SRGAP3: variants seen among roughly 807,000 people sequenced by gnomAD.
SRGAP3 encodes the protein SLIT-ROBO Rho GTPase-activating protein 3.
Under a neutral mutation model 121.1 loss-of-function variants are expected in SRGAP3, and 39 were observed. The ratio of observed to expected loss-of-function variants is 0.32; its 90% confidence interval spans 0.25 to 0.42. The LOEUF is 0.42. SRGAP3 is among the 10% of genes least tolerant of loss of function. The probability of loss-of-function intolerance (pLI) is 1.00; values close to 1 mark genes in which losing one functional copy is unlikely to be tolerated. For synonymous variants in SRGAP3, 601 were observed against 570.0 expected (o/e 1.05, Z -0.77); for missense variants, 1,213 against 1,470.6 (o/e 0.82, Z 2.86).
intron 1 of SRGAP3, among the ~76,000 whole-genome samples, chr3:9,160,943 C>G (rs976157411): frequency 1.3e-5 from 2 of 151,940 alleles, no homozygotes; most frequent in South Asian, 4.2e-4. Flanking sequence ...TGAGTCCATG[C>G]TGATATAAAT....
At chr3:9,346,331 A>G (rs1575023467) in intron 1 of SRGAP3, among the ~76,000 whole-genome samples, 1 of 151,824 alleles carries the variant, frequency 6.6e-6, no homozygotes, top group Non-Finnish European at 1.5e-5. Context: ...TGCACCTTGA[A>G]CTCCTGGGCT....
intron 1 of SRGAP3, among the ~76,000 whole-genome samples, chr3:9,144,517 T>G (rs1385707813): frequency 3.9e-5 from 6 of 152,220 alleles, no homozygotes; most frequent in African/African-American, 9.6e-5. Context: ...TCCCACATGT[T>G]GTGGGAGGGA....
chr3:9,038,183 T>G lies in SRGAP3; in HGVS notation c.1409-93A>C, dbSNP rs1559975966. 2.7e-6 allele frequency: 4 copies of G among 1,502,594 alleles called. No homozygotes were observed. In the East Asian group the frequency reaches 9.2e-5, roughly 35 times the overall value. The allele number at this position is 1,502,594 out of a possible 1,614,324, so 93.1% of individuals were successfully genotyped here. The stretch of plus-strand genomic sequence containing the variant: ...TTCTAAAAACAAAATACAATGAGTC[T>G]TAATTATTTATGAAATATGAAATCT... On this transcript the variant is annotated intron_variant, in intron 10 of 21. Transcript: ENST00000383836.
At chr3:9,196,179 TGCATTTGACAAGTCCGTCTGCCCA>T (rs1951910149) in intron 1 of SRGAP3, among the ~76,000 whole-genome samples, 1 of 152,196 alleles carries the variant, frequency 6.6e-6, no homozygotes, top group Non-Finnish European at 1.5e-5. Flanking sequence ...CCAACAACCA[TGCATTTGACAAGTCCGTCTGCCCA>T]GCGGGGCGGG....
intron 1 of SRGAP3, among the ~76,000 whole-genome samples, chr3:9,226,279 A>T (rs1216594415): frequency 6.6e-6 from 1 of 152,164 alleles, no homozygotes; most frequent in Non-Finnish European, 1.5e-5. Context: ...AAAGAGTTTT[A>T]CTTTTGTTAT....
chr3:9,055,482 C>T (rs539862411), intron 8 of SRGAP3, among the ~76,000 whole-genome samples: 100 of 152,328 alleles, frequency 6.6e-4, no homozygotes, highest in Non-Finnish European at 1.1e-3. Context: ...CTTCAGTCCA[C>T]ATCAGAATAG....
intron 4 of SRGAP3, among the ~76,000 whole-genome samples, chr3:9,075,968 A>G (rs1276113954): frequency 6.6e-6 from 1 of 152,188 alleles, no homozygotes; most frequent in East Asian, 1.9e-4. Context: ...GGCCCTTTGC[A>G]TTGTGACTCT....
chr3:9,075,804 T>A (rs1451263122), intron 4 of SRGAP3, among the ~76,000 whole-genome samples: 1 of 152,246 alleles, frequency 6.6e-6, no homozygotes, highest in Non-Finnish European at 1.5e-5. Flanking sequence ...GACTGTAGAC[T>A]TGTATAACCA....
Position 9,218,647 on chromosome 3 carries a change from TTTTA to T in SRGAP3, c.67+30234_67+30237del, listed in dbSNP as rs1220133245. 1 of 151,962 alleles carries T rather than the reference TTTTA, an allele frequency of 6.6e-6. No individual in the cohort carries two copies. The highest frequency in any genetic ancestry group is 6.6e-5 in the Admixed American group (1 of 15,254). 9.4% of individuals were successfully genotyped at this position (151,962 alleles called of 1,614,324 possible). A position where few individuals can be genotyped will look rare whatever the true frequency, so the allele number is the denominator to read the frequency against. ...GAATTTTTTATCTTTTAATTTTACT[TTTTA>T]TTATTTATTATTTTTATTTATTTAT... On this transcript the variant is annotated intron_variant, in intron 1 of 21. Coordinates refer to ENST00000383836, the MANE Select transcript of SRGAP3 (RefSeq NM_014850.4). The surrounding 1 kb of genome is among the most constrained non-coding windows in gnomAD (Gnocchi z 5.3).
At chr3:9,147,328 G>A (rs893931259) in intron 1 of SRGAP3, among the ~76,000 whole-genome samples, 1 of 152,168 alleles carries the variant, frequency 6.6e-6, no homozygotes, top group Non-Finnish European at 1.5e-5. Flanking sequence ...GGGTCAGTAG[G>A]CTCAAGGGTT....
At chr3:9,110,696 C>T (rs1328765104) in intron 2 of SRGAP3, among the ~76,000 whole-genome samples, 1 of 152,268 alleles carries the variant, frequency 6.6e-6, no homozygotes, top group Non-Finnish European at 1.5e-5. Flanking sequence ...TCTGCACCCC[C>T]ACCTTCTCCC....
chr3:9,360,643 T>A (rs896921907), intron 1 of SRGAP3, among the ~76,000 whole-genome samples: 8 of 152,188 alleles, frequency 5.3e-5, no homozygotes, highest in African/African-American at 1.4e-4. Flanking sequence ...TGAAAGGCAC[T>A]TCTTACATGG....
intron 1 of SRGAP3, among the ~76,000 whole-genome samples, chr3:9,162,683 C>T (rs1950638124): frequency 1.3e-5 from 2 of 152,174 alleles, no homozygotes; most frequent in African/African-American, 4.8e-5. Context: ...GGTGAAGCAC[C>T]AAGGGTGGGC....
At chr3:9,145,126 C>G (rs1015436677) in intron 1 of SRGAP3, among the ~76,000 whole-genome samples, 3 of 152,126 alleles carry the variant, frequency 2.0e-5, no homozygotes, top group Non-Finnish European at 4.4e-5. Context: ...GACAAGGTCT[C>G]ACTCCGTCAT....
intron 3 of SRGAP3, among the ~76,000 whole-genome samples, chr3:9,297,771 C>T (rs1488889574): frequency 1.3e-5 from 2 of 152,038 alleles, no homozygotes; most frequent in African/African-American, 2.4e-5. Context: ...TGGCGTGTGC[C>T]TGTAGTCCCA....
At chr3:8,998,799 T>C (rs1235531986) in intron 18 of SRGAP3, among the ~76,000 whole-genome samples, 1 of 152,142 alleles carries the variant, frequency 6.6e-6, no homozygotes, top group East Asian at 1.9e-4. Flanking sequence ...GTGTTCTACT[T>C]ACATTATCAC....
At chr3:9,161,647 G>C (rs931262787) in intron 1 of SRGAP3, among the ~76,000 whole-genome samples, 1 of 152,222 alleles carries the variant, frequency 6.6e-6, no homozygotes, top group African/African-American at 2.4e-5. Context: ...GCCCAGGACA[G>C]AGTTGCATTC....
chr3:9,243,560 G>A (rs1953721879), intron 1 of SRGAP3, among the ~76,000 whole-genome samples: 1 of 151,732 alleles, frequency 6.6e-6, no homozygotes, highest in Admixed American at 6.6e-5. Context: ...GCTTGAACTC[G>A]GGAGGCAGAG....
At chr3:9,230,188 T>C (rs2125218399) in intron 1 of SRGAP3, among the ~76,000 whole-genome samples, 1 of 152,334 alleles carries the variant, frequency 6.6e-6, no homozygotes, top group South Asian at 2.1e-4. Flanking sequence ...ACTGGCTCAA[T>C]AACTGTTTGA....
Sources: gnomAD v4.1 joint callset for allele counts (sites outside exome capture counted in the v4.1 genomes callset) on GRCh38, gnomAD v4.1.1 for gene constraint, Gnocchi (gnomAD v3.1) non-coding constraint, MANE v1.5 for transcripts, NCBI Gene and HGNC (gene_info 2026-07-23, HGNC 2026-07-21) for gene names.